KCNN2: variants seen among roughly 807,000 people sequenced by gnomAD.
KCNN2 encodes the protein potassium calcium-activated channel subfamily N member 2, also known as small conductance calcium-activated potassium channel protein 2.
KCNN2 carries 24 observed loss-of-function variants against 55.5 expected under a neutral mutation model. The observed-to-expected ratio is 0.43, with a 90% CI of 0.31 to 0.61. KCNN2 has a LOEUF of 0.61. Among genes scored for constraint, KCNN2 ranks in the 20% least tolerant of loss-of-function variants. KCNN2 has a pLI of 0.08. For missense variants in KCNN2, 754 were observed against 853.6 expected, an observed-to-expected ratio of 0.88 and a Z score of 1.45; for synonymous variants, 431 against 336.1, an observed-to-expected ratio of 1.28 and a Z score of -3.09.
At position 114,425,544 on chromosome 5, in the gene KCNN2, G is replaced by C. The variant is rs191773010; in HGVS notation, c.1637+20688G>C. On this transcript the variant is annotated intron_variant, in intron 3 of 7. Transcript: ENST00000673685. ...CCTCTCCCTTCATCATACCTACCTG[G>C]AAAAACCAGCCTTGGTTAAATCAAA... Among the ~76,000 whole-genome samples the C allele has an allele frequency of 2.0e-5, 3 of 152,148 alleles. No homozygotes were observed. In the East Asian group the frequency reaches 5.8e-4, roughly 29 times the overall value.
intron 1 of KCNN2, among the ~76,000 whole-genome samples, chr5:114,212,853 C>A (rs1753916810): frequency 6.6e-6 from 1 of 152,022 alleles, no homozygotes; most frequent in Admixed American, 6.6e-5. Context: ...TGGCCTCTTT[C>A]AGCCTCAAAA....
intron 2 of KCNN2, among the ~76,000 whole-genome samples, chr5:114,334,208 G>A (rs898162438): frequency 6.6e-6 from 1 of 151,652 alleles, no homozygotes; most frequent in African/African-American, 2.4e-5. Flanking sequence ...ACCTCCTAGA[G>A]ACCTCCCCAG....
intron 2 of KCNN2, among the ~76,000 whole-genome samples, chr5:114,332,096 C>G (rs978857211): frequency 6.6e-6 from 1 of 152,184 alleles, no homozygotes; most frequent in Non-Finnish European, 1.5e-5. Flanking sequence ...TTATTCATTT[C>G]ATTTGTTTAT....
chr5:114,449,908 A>ACGCG (rs34988174), intron 3 of KCNN2, among the ~76,000 whole-genome samples: 53 of 66,110 alleles, frequency 8.0e-4, no homozygotes, highest in African/African-American at 1.4e-3. Context: ...ACACACACAC[A>ACGCG]CGCGCGCGCT....
At chr5:114,197,738 A>G (rs1438726868) in intron 1 of KCNN2, among the ~76,000 whole-genome samples, 1 of 152,182 alleles carries the variant, frequency 6.6e-6, no homozygotes, top group African/African-American at 2.4e-5. Flanking sequence ...GGATGAAACC[A>G]TAGTTTCAAA....
intron 3 of KCNN2, among the ~76,000 whole-genome samples, chr5:114,427,740 A>G (rs937026708): frequency 6.6e-6 from 1 of 152,190 alleles, no homozygotes; most frequent in African/African-American, 2.4e-5. Context: ...ATGCTAAGGG[A>G]TAGCCTTATT....
intron 2 of KCNN2, among the ~76,000 whole-genome samples, chr5:114,324,800 G>A (rs1030492085): frequency 2.6e-5 from 4 of 152,186 alleles, no homozygotes; most frequent in Admixed American, 2.0e-4. Context: ...GAATTTTCAT[G>A]AGTGTTACAG....
intron 1 of KCNN2, among the ~76,000 whole-genome samples, chr5:114,091,668 G>A (rs1751146289): frequency 6.6e-6 from 1 of 152,162 alleles, no homozygotes; most frequent in South Asian, 2.1e-4. Context: ...ACAGTTCATT[G>A]TGGCTGGGAA....
chr5:114,377,135 T>G (rs144644148), intron 2 of KCNN2, among the ~76,000 whole-genome samples: 134 of 152,284 alleles, frequency 8.8e-4, no homozygotes, highest in African/African-American at 3.2e-3. Flanking sequence ...ATTTGCCTAA[T>G]GGATCCTTTT....
chr5:114,466,267 G>T (rs1473533303), intron 4 of KCNN2, among the ~76,000 whole-genome samples: 1 of 151,916 alleles, frequency 6.6e-6, no homozygotes, highest in Non-Finnish European at 1.5e-5. Context: ...AAGACCTGAG[G>T]GTTTACTATT....
At chr5:114,166,102 G>C (rs1752905876) in intron 1 of KCNN2, among the ~76,000 whole-genome samples, 2 of 151,744 alleles carry the variant, frequency 1.3e-5, no homozygotes, top group South Asian at 4.2e-4. Flanking sequence ...GTGTTAGTTA[G>C]GATGGTCTCA....
intron 1 of KCNN2, among the ~76,000 whole-genome samples, chr5:114,099,169 C>T (rs1233227885): frequency 6.6e-6 from 1 of 152,166 alleles, no homozygotes; most frequent in African/African-American, 2.4e-5. Flanking sequence ...AACCACACCA[C>T]ATAGGCAGCC....
At chr5:114,092,608 G>T (rs1221647305) in intron 1 of KCNN2, among the ~76,000 whole-genome samples, 1 of 152,144 alleles carries the variant, frequency 6.6e-6, no homozygotes, top group Non-Finnish European at 1.5e-5. Context: ...CTCCATGAGG[G>T]CTCCATCCCT....
At chr5:114,385,867 T>C (rs1758265145) in intron 2 of KCNN2, among the ~76,000 whole-genome samples, 1 of 151,986 alleles carries the variant, frequency 6.6e-6, no homozygotes, top group African/African-American at 2.4e-5. Context: ...ATCTTGTAAT[T>C]ATACAACTGT....
In KCNN2 at chr5:114,472,929, A is replaced by T. The variant is rs1294418033; in HGVS notation, c.1780-125A>T. On this transcript the variant is annotated intron_variant, in intron 4 of 7. Transcript: ENST00000673685. ...GTGTTGATCACACATTTTCTGTAAT[A>T]CTTATTGAAGACAATGTTTTTAATC... 8 of 556,186 alleles carry T rather than the reference A, an allele frequency of 1.4e-5. No homozygotes were observed. The South Asian group carries it at 2.4e-4, about 17-fold the overall frequency. 34.5% of individuals were successfully genotyped at this position (556,186 alleles called of 1,614,324 possible).
At chr5:114,319,031 C>T (rs1049145587) in intron 2 of KCNN2, among the ~76,000 whole-genome samples, 17 of 152,144 alleles carry the variant, frequency 1.1e-4, no homozygotes, top group Admixed American at 1.0e-3. Flanking sequence ...TCTTCTGTGC[C>T]CCCAACGTAC....
At chr5:114,164,052 T>A (rs924161085) in intron 1 of KCNN2, among the ~76,000 whole-genome samples, 1 of 152,188 alleles carries the variant, frequency 6.6e-6, no homozygotes, top group Non-Finnish European at 1.5e-5. Context: ...ATTGTCAATA[T>A]GAGTGAATTG....
chr5:114,309,013 T>C (rs1224198129), intron 2 of KCNN2, among the ~76,000 whole-genome samples: 1 of 152,182 alleles, frequency 6.6e-6, no homozygotes, highest in Non-Finnish European at 1.5e-5. Flanking sequence ...TTAAAGAAAT[T>C]GGAATGTTTA....
At chr5:114,134,914 A>G (rs932053212) in intron 1 of KCNN2, among the ~76,000 whole-genome samples, 4 of 152,224 alleles carry the variant, frequency 2.6e-5, no homozygotes, top group Non-Finnish European at 5.9e-5. Flanking sequence ...AAAAGCATGG[A>G]ATTTAAAGAT....
Sources: gnomAD v4.1 joint callset for allele counts (sites outside exome capture counted in the v4.1 genomes callset) on GRCh38, gnomAD v4.1.1 for gene constraint, MANE v1.5 for transcripts, NCBI Gene and HGNC (gene_info 2026-07-23, HGNC 2026-07-21) for gene names.